The following STX8 variants were observed in gnomAD, a reference collection of about 807,000 sequenced individuals.
The protein encoded by STX8 is syntaxin-8.
STX8 carries 23 observed loss-of-function variants against 37.5 expected under a neutral mutation model. The observed-to-expected ratio is 0.61, with a 90% CI of 0.44 to 0.87. The LOEUF is 0.87. Among genes scored for constraint, STX8 ranks in the 40% least tolerant of loss-of-function variants. The probability of loss-of-function intolerance (pLI) is 0.00; values close to 1 mark genes in which losing one functional copy is unlikely to be tolerated. For synonymous variants in STX8, 115 were observed against 99.1 expected (o/e 1.16, Z -0.95); for missense variants, 313 against 284.7 (o/e 1.10, Z -0.71).
chr17:9,350,187 C>T lies in STX8; in HGVS notation c.643+28365G>A, dbSNP rs181370789. ...ATCATGGTAATGACTAATGAATGGG[C>T]CGCGTATACAGCGTGGATACGCTGG... On this transcript the variant is annotated intron_variant, in intron 7 of 7. Transcript: ENST00000306357. 1.8e-4 allele frequency among the ~76,000 whole-genome samples: 27 copies of T among 152,112 alleles called. No individual in the cohort carries two copies. The East Asian group carries it at 5.0e-3, about 28-fold the overall frequency.
At chr17:9,571,036 GAGT>G (rs947733058) in intron 1 of STX8, among the ~76,000 whole-genome samples, 6 of 152,168 alleles carry the variant, frequency 3.9e-5, no homozygotes, top group Non-Finnish European at 5.9e-5. Context: ...TGGTAGAGAT[GAGT>G]AGAAGCTAGT....
chr17:9,437,118 A>C (rs1904460735), intron 6 of STX8, among the ~76,000 whole-genome samples: 1 of 152,252 alleles, frequency 6.6e-6, no homozygotes, highest in South Asian at 2.1e-4. Flanking sequence ...CTGAATTTTG[A>C]GCAGACAGTT....
At chr17:9,329,224 C>CA (rs1909883439) in intron 7 of STX8, among the ~76,000 whole-genome samples, 1 of 152,030 alleles carries the variant, frequency 6.6e-6, no homozygotes, top group Non-Finnish European at 1.5e-5. Flanking sequence ...AAACCAAAAA[C>CA]AACCAAAGTG....
chr17:9,267,804 CATG>C (rs1238816654), intron 7 of STX8, among the ~76,000 whole-genome samples: 1 of 152,104 alleles, frequency 6.6e-6, no homozygotes, highest in African/African-American at 2.4e-5. Flanking sequence ...GCATGGCCAA[CATG>C]GTGAAATCCC....
At chr17:9,476,504 T>C (rs939729483) in intron 6 of STX8, among the ~76,000 whole-genome samples, 3 of 151,678 alleles carry the variant, frequency 2.0e-5, no homozygotes, top group African/African-American at 4.8e-5. Context: ...TCAGGCTGGA[T>C]TGCAGTGGCA....
chr17:9,350,127 C>A (rs911953494), intron 7 of STX8, among the ~76,000 whole-genome samples: 30 of 152,140 alleles, frequency 2.0e-4, no homozygotes, highest in African/African-American at 6.5e-4. Flanking sequence ...AATCACTGAG[C>A]CCTGATGATG....
chr17:9,369,223 G>A (rs550239306), intron 7 of STX8, among the ~76,000 whole-genome samples: 2 of 152,302 alleles, frequency 1.3e-5, no homozygotes, highest in East Asian at 3.9e-4. Flanking sequence ...AGGCAGATAG[G>A]CACTGATGAA....
intron 2 of STX8, among the ~76,000 whole-genome samples, chr17:9,560,441 T>C (rs1002980474): frequency 4.1e-5 from 6 of 147,478 alleles, no homozygotes; most frequent in African/African-American, 1.5e-4. Flanking sequence ...ATATGGTCAT[T>C]AGTCATAAAG....
At chr17:9,264,673 C>G (rs546970217) in intron 7 of STX8, among the ~76,000 whole-genome samples, 4 of 152,314 alleles carry the variant, frequency 2.6e-5, no homozygotes, top group African/African-American at 9.6e-5. Flanking sequence ...CAACAATTCT[C>G]AGTAGTAATA....
At chr17:9,327,230 G>A (rs1229843419) in intron 7 of STX8, among the ~76,000 whole-genome samples, 1 of 147,818 alleles carries the variant, frequency 6.8e-6, no homozygotes, top group African/African-American at 2.5e-5. Context: ...GGAAGAAGGA[G>A]GAAGGAGGAC....
chr17:9,425,430 G>A (rs1913591879), intron 6 of STX8, among the ~76,000 whole-genome samples: 1 of 152,110 alleles, frequency 6.6e-6, no homozygotes, highest in African/African-American at 2.4e-5. Flanking sequence ...AATGGTAAAT[G>A]ACATGATTCT....
chr17:9,254,354 G>A (rs1174344107), intron 7 of STX8, among the ~76,000 whole-genome samples: 1 of 151,732 alleles, frequency 6.6e-6, no homozygotes, highest in Non-Finnish European at 1.5e-5. Flanking sequence ...TCATCCTCCA[G>A]TTACCTGTGC....
At chr17:9,430,112 TATA>T (rs1913895595) in intron 6 of STX8, among the ~76,000 whole-genome samples, 2 of 89,002 alleles carry the variant, frequency 2.2e-5, no homozygotes, top group African/African-American at 8.4e-5. Context: ...ATATTTTATA[TATA>T]AATAAATATA....
At chr17:9,414,124 A>ATCCG (rs1913092066) in intron 6 of STX8, among the ~76,000 whole-genome samples, 1 of 5,940 alleles carries the variant, frequency 1.7e-4, no homozygotes, top group Non-Finnish European at 3.2e-4. Context: ...CCATCCATCC[A>ATCCG]TCCAACCATC....
intron 7 of STX8, among the ~76,000 whole-genome samples, chr17:9,302,402 T>C (rs934375283): frequency 2.6e-5 from 4 of 152,210 alleles, no homozygotes; most frequent in African/African-American, 9.6e-5. Context: ...TCAAATGCAC[T>C]GACCTCTTAG....
intron 6 of STX8, among the ~76,000 whole-genome samples, chr17:9,418,488 C>A (rs1403466438): frequency 6.7e-6 from 1 of 149,636 alleles, no homozygotes; most frequent in Non-Finnish European, 1.5e-5. Flanking sequence ...TCAGAGAATG[C>A]CCTTTTACCA....
At chr17:9,505,589 C>T (rs755136767) in intron 4 of STX8, among the ~76,000 whole-genome samples, 1 of 152,070 alleles carries the variant, frequency 6.6e-6, no homozygotes, top group African/African-American at 2.4e-5. Context: ...CACAATGTTG[C>T]GACTACAGAT....
intron 7 of STX8, among the ~76,000 whole-genome samples, chr17:9,369,363 AAAG>A (rs1357499341): frequency 1.3e-5 from 2 of 152,228 alleles, no homozygotes; most frequent in East Asian, 1.9e-4. Context: ...ATGATAAGGG[AAAG>A]AAGAAGTAAA....
intron 7 of STX8, among the ~76,000 whole-genome samples, chr17:9,270,388 C>T (rs933950795): frequency 8.5e-5 from 13 of 152,222 alleles, no homozygotes; most frequent in Admixed American, 7.2e-4. Context: ...GCTGGGACTA[C>T]AGGTGCCCGC....
Sources: allele counts gnomAD v4.1 joint callset (sites outside exome capture counted in the v4.1 genomes callset), GRCh38; gene constraint gnomAD v4.1.1; transcripts MANE v1.5; gene names NCBI Gene and HGNC (gene_info 2026-07-23, HGNC 2026-07-21).